ZNF608: variants seen among roughly 807,000 people sequenced by gnomAD.
ZNF608 encodes the protein renal carcinoma antigen NY-REN-36.
A neutral mutation model predicts 109.0 loss-of-function variants in ZNF608; 12 were observed. That is an observed-to-expected ratio of 0.11 (90% confidence interval 0.07 to 0.18). The LOEUF is 0.18. Among genes scored for constraint, ZNF608 ranks in the 10% least tolerant of loss-of-function variants. The probability of loss-of-function intolerance (pLI) is 1.00; values close to 1 mark genes in which losing one functional copy is unlikely to be tolerated. For synonymous variants in ZNF608, 732 were observed against 717.4 expected, an observed-to-expected ratio of 1.02 and a Z score of -0.33; for missense variants, 1,707 against 1,879.3, an observed-to-expected ratio of 0.91 and a Z score of 1.70.
At chr5:124,706,248 C>T (rs1485332812) in intron 2 of ZNF608, among the ~76,000 whole-genome samples, 1 of 152,148 alleles carries the variant, frequency 6.6e-6, no homozygotes, top group Non-Finnish European at 1.5e-5. Context: ...GGAATCAGTG[C>T]CTTCATCTGT....
intron 7 of ZNF608, among the ~76,000 whole-genome samples, chr5:124,642,579 G>A (rs1462328301): frequency 1.3e-5 from 2 of 152,024 alleles, no homozygotes; most frequent in Non-Finnish European, 2.9e-5. Flanking sequence ...TGCAGATTAG[G>A]GAGCTTCTAT....
chr5:124,678,420 C>A (rs1234634167), intron 3 of ZNF608, among the ~76,000 whole-genome samples: 1 of 152,150 alleles, frequency 6.6e-6, no homozygotes, highest in Non-Finnish European at 1.5e-5. Context: ...AACCACCTGG[C>A]AGAGTTTCTT....
chr5:124,690,725 G>C (rs546000127), intron 3 of ZNF608, among the ~76,000 whole-genome samples: 5 of 151,700 alleles, frequency 3.3e-5, no homozygotes, highest in Admixed American at 3.3e-4. Flanking sequence ...TGAATGATCT[G>C]AACTAAAGAC....
intron 2 of ZNF608, chr5:124,710,410 T>A (rs1412283711): frequency 2.7e-6 from 1 of 365,754 alleles, no homozygotes; most frequent in African/African-American, 2.1e-5. Context: ...ACAAATTAAA[T>A]GACAAGGAAG....
intron 3 of ZNF608, among the ~76,000 whole-genome samples, chr5:124,679,651 G>A (rs990407506): frequency 6.6e-6 from 1 of 152,174 alleles, no homozygotes; most frequent in Non-Finnish European, 1.5e-5. Context: ...TCTGAAGTAG[G>A]TAGACTAAAG....
chr5:124,746,276 T>A lies in ZNF608; in HGVS notation c.-265A>T. ...TCCACTCGGCAAACAAGCCTGTGCC[T>A]CATTTTACTTAAACACCAAATGATC... On this transcript the variant is annotated 5_prime_UTR_variant, in exon 1 of 10. Coordinates refer to ENST00000513986, the MANE Select transcript of ZNF608 (RefSeq NM_020747.3). 1 of 985,422 alleles carries A rather than the reference T, an allele frequency of 1.0e-6. No homozygotes were observed. Among genetic ancestry groups the A allele is most frequent in the Non-Finnish European group, 1.2e-6 (1 of 829,926 alleles). 61.0% of individuals were successfully genotyped at this position (985,422 alleles called of 1,614,324 possible). A position where few individuals can be genotyped will look rare whatever the true frequency, so the allele number is the denominator to read the frequency against.
rs1307742790 is a variant in ZNF608 at position 124,640,409 on chromosome 5, C to T, written c.4450+843G>A. ...CACGAGGGCTCCCCCCTGCCCCTTC[C>T]CCACCCACCAGCTCATGCACAAAGA... is the stretch of plus-strand genomic sequence containing the variant. On this transcript the variant is annotated intron_variant, in intron 8 of 9. Transcript: ENST00000513986. Among the ~76,000 whole-genome samples, 3 of 152,154 alleles carry T rather than the reference C, an allele frequency of 2.0e-5. No homozygotes were observed. In the East Asian group the frequency reaches 5.8e-4, roughly 29 times the overall value.
intron 3 of ZNF608, among the ~76,000 whole-genome samples, chr5:124,677,874 G>A (rs993693025): frequency 6.6e-6 from 1 of 152,220 alleles, no homozygotes; most frequent in Admixed American, 6.5e-5. Flanking sequence ...ACTGCAGAAG[G>A]CCCCGAGCCA....
At chr5:124,669,656 CAA>C (rs1491375088) in intron 3 of ZNF608, among the ~76,000 whole-genome samples, 19 of 85,746 alleles carry the variant, frequency 2.2e-4, no homozygotes, top group Admixed American at 5.2e-4. Flanking sequence ...CAAACACACA[CAA>C]ACACACACAC....
chr5:124,655,749 C>G (rs370914493), intron 3 of ZNF608, among the ~76,000 whole-genome samples: 1 of 152,214 alleles, frequency 6.6e-6, no homozygotes, highest in East Asian at 1.9e-4. Flanking sequence ...CTCCCTCCCC[C>G]CATTATTATG....
intron 3 of ZNF608, chr5:124,666,341 T>G (rs1439311756): frequency 6.6e-6 from 1 of 152,258 alleles, no homozygotes; most frequent in East Asian, 1.9e-4. Context: ...ATCTGCCTTT[T>G]GGTGAATGCG....
intron 3 of ZNF608, among the ~76,000 whole-genome samples, chr5:124,658,397 C>T (rs1181961544): frequency 1.3e-5 from 2 of 152,166 alleles, no homozygotes; most frequent in African/African-American, 2.4e-5. Context: ...TGAATATGTA[C>T]ATGTATAGAG....
intron 2 of ZNF608, among the ~76,000 whole-genome samples, chr5:124,717,888 G>T (rs73298931): frequency 0.033 from 5,028 of 152,264 alleles, 226 homozygotes; most frequent in African/African-American, 0.1. Context: ...CCCTATAGGG[G>T]CAGCGAAGGA....
At chr5:124,687,312 A>G (rs1015117660) in intron 3 of ZNF608, among the ~76,000 whole-genome samples, 5 of 152,222 alleles carry the variant, frequency 3.3e-5, no homozygotes, top group Non-Finnish European at 7.3e-5. Flanking sequence ...TGGTGTTGAC[A>G]GAGCAACAGA....
At chr5:124,739,595 G>C (rs1219628395) in intron 2 of ZNF608, among the ~76,000 whole-genome samples, 1 of 152,224 alleles carries the variant, frequency 6.6e-6, no homozygotes, top group Non-Finnish European at 1.5e-5. Flanking sequence ...CCATTATAAA[G>C]TGTTCAATGG....
chr5:124,643,769 G>C, intron 6 of ZNF608, 86 bp from the exon 7 acceptor site: 1 of 1,374,754 alleles, frequency 7.3e-7, no homozygotes, highest in Non-Finnish European at 9.9e-7. Context: ...TGGGATAAGA[G>C]TCAAAGAGAT....
At chr5:124,664,475 G>A (rs910392005) in intron 3 of ZNF608, among the ~76,000 whole-genome samples, 35 of 152,304 alleles carry the variant, frequency 2.3e-4, no homozygotes, top group African/African-American at 5.1e-4. Context: ...AGGGGATAAA[G>A]ACAGAAAATA....
intron 2 of ZNF608, among the ~76,000 whole-genome samples, chr5:124,706,449 G>C (rs867461144): frequency 6.6e-6 from 1 of 152,164 alleles, no homozygotes; most frequent in African/African-American, 2.4e-5. Context: ...CCAAATGCTA[G>C]TATTTGCTAC....
intron 3 of ZNF608, among the ~76,000 whole-genome samples, chr5:124,689,252 G>C (rs1371812810): frequency 6.6e-6 from 1 of 152,114 alleles, no homozygotes; most frequent in African/African-American, 2.4e-5. Context: ...CTGCACTCCA[G>C]TTTGGGCAAC....
Sources: gnomAD v4.1 joint callset for allele counts (sites outside exome capture counted in the v4.1 genomes callset) on GRCh38, gnomAD v4.1.1 for gene constraint, MANE v1.5 for transcripts, NCBI Gene and HGNC (gene_info 2026-07-23, HGNC 2026-07-21) for gene names.